The following PLEKHH2 variants were observed in gnomAD, a reference collection of about 807,000 sequenced individuals.
PLEKHH2 encodes the protein pleckstrin homology domain-containing family H member 2.
Under a neutral mutation model 187.9 loss-of-function variants are expected in PLEKHH2, and 129 were observed. That is an observed-to-expected ratio of 0.69 (90% CI 0.59 to 0.79). The LOEUF (loss-of-function observed/expected upper bound fraction) is 0.79, where lower values mean the gene tolerates loss of function less well. Ranked by LOEUF, PLEKHH2 falls within the 30% of genes least tolerant of loss-of-function variation. The probability of loss-of-function intolerance (pLI) is 0.00; values close to 1 mark genes in which losing one functional copy is unlikely to be tolerated. For missense variants in PLEKHH2, 2,076 were observed against 1,751.2 expected, an observed-to-expected ratio of 1.19 and a Z score of -3.31; for synonymous variants, 686 against 605.6, an observed-to-expected ratio of 1.13 and a Z score of -1.95.
In PLEKHH2 at chr2:43,700,260, A is replaced by T. The variant is rs1669292749; in HGVS notation, c.1302A>T (p.Ser434=). 2 of 1,614,202 alleles carry T rather than the reference A, an allele frequency of 1.2e-6. No homozygotes were observed. The highest frequency in any genetic ancestry group is 4.5e-5 in the East Asian group (2 of 44,886). The change falls in exon 8 of 30, where the codon TCA becomes TCT. Residue 434 remains serine, a synonymous_variant. Coordinates refer to ENST00000282406, the MANE Select transcript of PLEKHH2 (RefSeq NM_172069.4). The part of the protein sequence containing the change: ...SGKGTQLVPS[S]HLPPPKLRIP... Reference sequence around the variant, plus strand: ...AAGGAACACAATTAGTGCCTTCATCACACCTGCCACCCCCAAAGTTAAGGA... The same window carrying T: ...AAGGAACACAATTAGTGCCTTCATCTCACCTGCCACCCCCAAAGTTAAGGA...
rs750453494 is a variant in PLEKHH2, at chr2:43,753,636, A to G, written c.3671A>G (p.Gln1224Arg). The stretch of plus-strand genomic sequence containing the variant: ...TTTTACAGACTATATTTCTCAGTGC[A>G]AGCTCGTGGAGAGACTGATAGAGAA... ...TYKNRLYFSVQARGETDREKL... is the reference protein window; with the variant it reads ...TYKNRLYFSVRARGETDREKL... The change falls in exon 25 of 30, where the codon CAA (glutamine) becomes CGA (arginine). Residue 1224 changes from glutamine to arginine, a missense_variant. Transcript: ENST00000282406. The G allele has an allele frequency of 3.3e-6, 5 of 1,525,414 alleles. No individual in the cohort carries two copies. Among genetic ancestry groups the G allele is most frequent in the Non-Finnish European group, 3.5e-6 (4 of 1,139,604 alleles). 94.5% of individuals were successfully genotyped at this position (1,525,414 alleles called of 1,614,324 possible). A position where few individuals can be genotyped will look rare whatever the true frequency, so the allele number is the denominator to read the frequency against.
chr2:43,673,853 T>C (rs1349235122), intron 2 of PLEKHH2, among the ~76,000 whole-genome samples: 1 of 152,216 alleles, frequency 6.6e-6, no homozygotes, highest in African/African-American at 2.4e-5. Flanking sequence ...TTTCCCTATA[T>C]TCATATTTCA....
At chr2:43,763,802 C>T (rs1558638785) in intron 28 of PLEKHH2, among the ~76,000 whole-genome samples, 1 of 152,078 alleles carries the variant, frequency 6.6e-6, no homozygotes, top group Admixed American at 6.5e-5. Context: ...ATTTCAAAAT[C>T]CATCTATCTA....
At chr2:43,719,322 G>A (rs1224151879) in intron 15 of PLEKHH2, among the ~76,000 whole-genome samples, 7 of 152,154 alleles carry the variant, frequency 4.6e-5, no homozygotes, top group Non-Finnish European at 8.8e-5. Flanking sequence ...TACAGTAATA[G>A]CTTTTAACAT....
chr2:43,642,715 A>C (rs1199500725), intron 1 of PLEKHH2, among the ~76,000 whole-genome samples: 1 of 152,174 alleles, frequency 6.6e-6, no homozygotes, highest in African/African-American at 2.4e-5. Context: ...TATTGAAATG[A>C]TCATACGGTT....
chr2:43,711,045 T>C (rs1669939537), intron 14 of PLEKHH2: 3 of 989,158 alleles, frequency 3.0e-6, no homozygotes, highest in Non-Finnish European at 1.2e-6. Context: ...GGGAGTGTGC[T>C]GCCAAGCAAG....
intron 15 of PLEKHH2, among the ~76,000 whole-genome samples, chr2:43,719,932 T>G (rs765060841): frequency 4.1e-4 from 62 of 152,194 alleles, no homozygotes; most frequent in Non-Finnish European, 7.6e-4. Flanking sequence ...GAGAGCCACA[T>G]GGCTATTGGA....
Position 43,741,713 on chromosome 2 carries a change from T to C in PLEKHH2, c.3221+670T>C, listed in dbSNP as rs146809830. Among the ~76,000 whole-genome samples, 796 of 152,330 alleles carry C rather than the reference T, an allele frequency of 5.2e-3. 9 individuals are homozygous for C. Among genetic ancestry groups the C allele is most frequent in the African/African-American group, 0.018 (755 of 41,580 alleles). On this transcript the variant is annotated intron_variant, in intron 21 of 29. Coordinates refer to ENST00000282406, the MANE Select transcript of PLEKHH2 (RefSeq NM_172069.4). ...TTCATAATACATTGTGGGGCCTCTG[T>C]GATCAAGGTCATCTGTGACCAAGGT... is the stretch of plus-strand genomic sequence containing the variant.
intron 28 of PLEKHH2, among the ~76,000 whole-genome samples, chr2:43,762,890 A>AT (rs1216866068): frequency 6.6e-6 from 1 of 152,118 alleles, no homozygotes; most frequent in East Asian, 1.9e-4. Flanking sequence ...CGAAATTTAC[A>AT]TTTTTTATCA....
chr2:43,738,880 C>T (rs1671426618), intron 20 of PLEKHH2, among the ~76,000 whole-genome samples: 1 of 152,040 alleles, frequency 6.6e-6, no homozygotes, highest in Non-Finnish European at 1.5e-5. Flanking sequence ...TAATAAATAC[C>T]TCTGCAGTAG....
intron 21 of PLEKHH2, among the ~76,000 whole-genome samples, chr2:43,741,910 T>C (rs1259851530): frequency 1.3e-5 from 2 of 152,254 alleles, no homozygotes; most frequent in Non-Finnish European, 2.9e-5. Context: ...TACATTTATT[T>C]ATTCTAATGA....
At chr2:43,638,615 G>T (rs1703230463) in intron 1 of PLEKHH2, among the ~76,000 whole-genome samples, 1 of 152,146 alleles carries the variant, frequency 6.6e-6, no homozygotes, top group Non-Finnish European at 1.5e-5. Context: ...AGACATGATA[G>T]ATTCCTTTCA....
At chr2:43,730,199 A>C (rs1209911389) in intron 18 of PLEKHH2, among the ~76,000 whole-genome samples, 1 of 152,188 alleles carries the variant, frequency 6.6e-6, no homozygotes, top group Non-Finnish European at 1.5e-5. Flanking sequence ...GTGGCCCCAG[A>C]TGGCTTTGAA....
At chr2:43,758,085 CT>C (rs1672286715) in intron 26 of PLEKHH2, among the ~76,000 whole-genome samples, 2 of 152,156 alleles carry the variant, frequency 1.3e-5, no homozygotes, top group African/African-American at 4.8e-5. Flanking sequence ...TTATCGTGAG[CT>C]TTTCCAAAAT....
chr2:43,741,494 A>G (rs1671558859), intron 21 of PLEKHH2: 1 of 152,978 alleles, frequency 6.5e-6, no homozygotes, highest in Non-Finnish European at 1.5e-5. Flanking sequence ...TGAAAAACAC[A>G]TTTAAAGTTC....
chr2:43,741,207 T>C (rs1186532542), intron 21 of PLEKHH2, 164 bp downstream of exon 21: 2 of 517,700 alleles, frequency 3.9e-6, no homozygotes, highest in Non-Finnish European at 6.4e-6. Flanking sequence ...TAGGAAAATA[T>C]TTCCTTTGTT....
chr2:43,719,130 C>T (rs1201049070), intron 15 of PLEKHH2, among the ~76,000 whole-genome samples: 1 of 152,160 alleles, frequency 6.6e-6, no homozygotes, highest in Non-Finnish European at 1.5e-5. Context: ...ATTTAACATA[C>T]TGCTGATTTA....
At chr2:43,691,537 G>C (rs1024441889) in intron 3 of PLEKHH2, among the ~76,000 whole-genome samples, 1 of 152,354 alleles carries the variant, frequency 6.6e-6, no homozygotes, top group East Asian at 1.9e-4. Flanking sequence ...CGGGAAGGCA[G>C]GTTCTCAATC....
chr2:43,681,062 C>T, intron 3 of PLEKHH2: 2 of 1,280,308 alleles, frequency 1.6e-6, no homozygotes, highest in Non-Finnish European at 2.2e-6. Context: ...CATTATGATT[C>T]CAATCTACTG....
Sources: allele counts gnomAD v4.1 joint callset (sites outside exome capture counted in the v4.1 genomes callset), GRCh38; gene constraint gnomAD v4.1.1; transcripts MANE v1.5; gene names NCBI Gene and HGNC (gene_info 2026-07-23, HGNC 2026-07-21).